TMCO5A: variants seen among roughly 807,000 people sequenced by gnomAD.
The protein encoded by TMCO5A is transmembrane and coiled-coil domain-containing protein 5A.
A neutral mutation model predicts 42.3 loss-of-function variants in TMCO5A; 34 were observed. That is an observed-to-expected ratio of 0.80 (90% CI 0.61 to 1.07). The LOEUF (loss-of-function observed/expected upper bound fraction) is 1.07, where lower values mean the gene tolerates loss of function less well. Among genes scored for constraint, TMCO5A ranks in the 50% least tolerant of loss-of-function variants. The pLI, the probability that TMCO5A is intolerant of heterozygous loss-of-function variation, is 0.00. For missense variants in TMCO5A, 357 were observed against 327.9 expected (o/e 1.09, Z -0.69); for synonymous variants, 131 against 115.6 (o/e 1.13, Z -0.86).
At chr15:37,959,388 C>T (rs542684479) in intron 11 of TMCO5A, among the ~76,000 whole-genome samples, 2 of 151,990 alleles carry the variant, frequency 1.3e-5, no homozygotes, top group East Asian at 1.9e-4. Flanking sequence ...CAAAACCAGA[C>T]AAAGACACGT....
the TMCO5A span, among the ~76,000 whole-genome samples, chr15:37,979,550 G>A: frequency 6.6e-6 from 1 of 152,202 alleles, no homozygotes; most frequent in African/African-American, 2.4e-5. Context: ...ACCTGCCTGA[G>A]CACCCAAGCG....
chr15:37,976,244 T>TA, the TMCO5A span, among the ~76,000 whole-genome samples: 4,399 of 141,680 alleles, frequency 0.031, 194 homozygotes, highest in African/African-American at 0.1. Flanking sequence ...GACCCCATCT[T>TA]AAAAAAAAAA....
Position 37,936,285 on chromosome 15 carries a change from C to T in TMCO5A, c.-10-29C>T, listed in dbSNP as rs375816286. ...ATTATTGATCTTGAGATAACTGGCC[C>T]TTGTTCATTTTGGGGGCTGAGTCTA... On this transcript the variant is annotated intron_variant, in intron 2 of 11. Transcript: ENST00000319669. 6 of 1,590,112 alleles carry T rather than the reference C, an allele frequency of 3.8e-6. No individual in the cohort carries two copies. In the African/African-American group the frequency reaches 6.8e-5, roughly 18 times the overall value.
the TMCO5A span, among the ~76,000 whole-genome samples, chr15:38,026,272 A>G: frequency 6.6e-6 from 1 of 152,244 alleles, no homozygotes; most frequent in Non-Finnish European, 1.5e-5. Flanking sequence ...TATGGACAAT[A>G]AGGTCCAGGC....
At chr15:38,023,630 C>T in the TMCO5A span, among the ~76,000 whole-genome samples, 5 of 152,244 alleles carry the variant, frequency 3.3e-5, no homozygotes, top group South Asian at 8.3e-4. Flanking sequence ...GGAATTAGGT[C>T]CCATCTCTCA....
intron 11 of TMCO5A, among the ~76,000 whole-genome samples, chr15:37,962,097 G>A (rs1373985437): frequency 6.6e-6 from 1 of 152,032 alleles, no homozygotes; most frequent in Non-Finnish European, 1.5e-5. Context: ...TAGTGAGAGT[G>A]GGCATCCTTC....
the TMCO5A span, among the ~76,000 whole-genome samples, chr15:37,992,723 G>A: frequency 3.9e-5 from 6 of 152,166 alleles, no homozygotes; most frequent in Admixed American, 6.5e-5. Flanking sequence ...AAAGGCCATC[G>A]TCCTTAGCAA....
chr15:37,979,826 G>C, the TMCO5A span, among the ~76,000 whole-genome samples: 4 of 152,302 alleles, frequency 2.6e-5, no homozygotes, highest in Admixed American at 2.6e-4. Flanking sequence ...CACCCCAGGA[G>C]GGGTGAGATG....
the TMCO5A span, among the ~76,000 whole-genome samples, chr15:37,984,540 T>A: frequency 6.6e-6 from 1 of 152,212 alleles, no homozygotes; most frequent in African/African-American, 2.4e-5. Flanking sequence ...TGCTTCTTGT[T>A]GACTGGTTGT....
At chr15:37,978,936 G>C in the TMCO5A span, among the ~76,000 whole-genome samples, 12 of 151,726 alleles carry the variant, frequency 7.9e-5, no homozygotes, top group African/African-American at 2.2e-4. Flanking sequence ...ACCAAGGTGG[G>C]TCGAGGGGCA....
chr15:38,036,496 T>TCACACA, the TMCO5A span, among the ~76,000 whole-genome samples: 7 of 63,552 alleles, frequency 1.1e-4, no homozygotes, highest in Admixed American at 6.0e-4. Flanking sequence ...TCTCTCTCTC[T>TCACACA]CACACACACA....
At chr15:38,030,563 T>C in the TMCO5A span, among the ~76,000 whole-genome samples, 1 of 152,142 alleles carries the variant, frequency 6.6e-6, no homozygotes, top group East Asian at 1.9e-4. Context: ...CACCCTCTTC[T>C]TAAAGTCCTT....
the TMCO5A span, among the ~76,000 whole-genome samples, chr15:38,026,836 C>T: frequency 6.6e-6 from 1 of 152,210 alleles, no homozygotes; most frequent in Non-Finnish European, 1.5e-5. Context: ...ACATAGAGCT[C>T]GGACTGTGGC....
chr15:38,033,153 T>A, the TMCO5A span, among the ~76,000 whole-genome samples: 1 of 151,936 alleles, frequency 6.6e-6, no homozygotes, highest in African/African-American at 2.4e-5. Flanking sequence ...TGGTCTCGAT[T>A]TCCTGACCTC....
chr15:37,949,237 T>A (rs183548585), intron 11 of TMCO5A, among the ~76,000 whole-genome samples: 6 of 152,258 alleles, frequency 3.9e-5, no homozygotes, highest in Admixed American at 2.6e-4. Context: ...AACATAATCA[T>A]GGATAGAAAC....
the TMCO5A span, among the ~76,000 whole-genome samples, chr15:38,007,872 CTTTTTTTTTTTTTTTTTTTTTTTTTTT>C: frequency 2.1e-5 from 1 of 47,366 alleles, no homozygotes; most frequent in African/African-American, 8.1e-5. Context: ...CTCACCCACA[CTTTTTTTTTTTTTTTTTTTTTTTTTTT>C]TTTTTTTTTT....
intron 11 of TMCO5A, among the ~76,000 whole-genome samples, chr15:37,959,000 T>C (rs1056670895): frequency 1.3e-5 from 2 of 151,704 alleles, no homozygotes; most frequent in African/African-American, 2.4e-5. Context: ...ACCATCATTC[T>C]CAGCAAACTA....
the TMCO5A span, among the ~76,000 whole-genome samples, chr15:37,983,731 G>GTT: frequency 6.4e-5 from 8 of 125,964 alleles, no homozygotes; most frequent in African/African-American, 2.2e-4. Context: ...TTTTTTTTTT[G>GTT]TTTTTTTTTT....
intron 11 of TMCO5A, among the ~76,000 whole-genome samples, chr15:37,957,730 G>T (rs1890325761): frequency 6.6e-6 from 1 of 152,018 alleles, no homozygotes; most frequent in South Asian, 2.1e-4. Context: ...CAAAGAATCA[G>T]AAAAAACTAC....
Sources: allele counts gnomAD v4.1 joint callset (sites outside exome capture counted in the v4.1 genomes callset), GRCh38; gene constraint gnomAD v4.1.1; transcripts MANE v1.5; gene names NCBI Gene and HGNC (gene_info 2026-07-23, HGNC 2026-07-21).